SCAPER: variants seen among roughly 807,000 people sequenced by gnomAD.
SCAPER encodes the protein S-phase cyclin A associated protein in the ER, also known as S phase cyclin A-associated protein in the endoplasmic reticulum.
SCAPER carries 98 observed loss-of-function variants against 182.2 expected under a neutral mutation model. The observed-to-expected ratio is 0.54, with a 90% CI of 0.46 to 0.64. The LOEUF (loss-of-function observed/expected upper bound fraction) is 0.64. Among genes scored for constraint, SCAPER ranks in the 30% least tolerant of loss-of-function variants. The pLI, the probability that SCAPER is intolerant of heterozygous loss-of-function variation, is 0.00. For synonymous variants in SCAPER, 605 were observed against 564.6 expected (o/e 1.07, Z -1.01); for missense variants, 1,432 against 1,690.0 (o/e 0.85, Z 2.68).
chr15:76,709,206 A>T (rs2059431561), intron 17 of SCAPER, among the ~76,000 whole-genome samples: 1 of 152,178 alleles, frequency 6.6e-6, no homozygotes, highest in Non-Finnish European at 1.5e-5. Context: ...ATCTCGACTC[A>T]CTGCAACCTC....
intron 29 of SCAPER, among the ~76,000 whole-genome samples, chr15:76,375,742 G>A (rs1453063136): frequency 6.6e-6 from 1 of 152,150 alleles, no homozygotes; most frequent in Non-Finnish European, 1.5e-5. Flanking sequence ...CAGCACTTTG[G>A]GAGGCCAAGG....
chr15:76,842,861 C>A (rs2069614705), intron 4 of SCAPER, among the ~76,000 whole-genome samples: 1 of 152,184 alleles, frequency 6.6e-6, no homozygotes, highest in Non-Finnish European at 1.5e-5. Context: ...TACCATTAGA[C>A]TGTTGGCTGA....
intron 29 of SCAPER, among the ~76,000 whole-genome samples, chr15:76,364,044 GT>G (rs994134901): frequency 1.7e-4 from 26 of 152,182 alleles, no homozygotes; most frequent in African/African-American, 6.0e-4. Flanking sequence ...ATACCTTGGG[GT>G]TAGGGTAGGG....
chr15:76,854,195 G>A (rs1487386250), intron 4 of SCAPER, among the ~76,000 whole-genome samples: 1 of 152,056 alleles, frequency 6.6e-6, no homozygotes, highest in African/African-American at 2.4e-5. Flanking sequence ...CTTGAACCCA[G>A]GAGGCGGAGG....
At chr15:76,699,275 T>C (rs554544677) in intron 20 of SCAPER, among the ~76,000 whole-genome samples, 1 of 152,318 alleles carries the variant, frequency 6.6e-6, no homozygotes, top group East Asian at 1.9e-4. Context: ...GCCTGACTGC[T>C]CTGGCTAGGC....
At chr15:76,765,699 A>G in intron 11 of SCAPER, 61 bp from the exon 12 acceptor site, 1 of 1,321,242 alleles carries the variant, frequency 7.6e-7, no homozygotes, top group Non-Finnish European at 1.1e-6. Flanking sequence ...ACTTTAGAAA[A>G]TGAACTATAC....
intron 17 of SCAPER, among the ~76,000 whole-genome samples, chr15:76,711,761 TCCC>T (rs1405756057): frequency 1.3e-5 from 2 of 152,156 alleles, no homozygotes; most frequent in Non-Finnish European, 2.9e-5. Flanking sequence ...GTTCATATCC[TCCC>T]CCCATTTTTT....
chr15:76,505,123 T>C, intron 23 of SCAPER, 149 bp from the exon 24 acceptor site: 1 of 653,944 alleles, frequency 1.5e-6, no homozygotes, highest in Non-Finnish European at 2.6e-6. Flanking sequence ...CACTGCTAAT[T>C]GTTTCAGTAC....
rs1368044339 is a variant in SCAPER, at chr15:76,690,940, T to C, written c.2508+10818A>G. On this transcript the variant is annotated intron_variant, in intron 20 of 31. Coordinates refer to ENST00000563290, the MANE Select transcript of SCAPER (RefSeq NM_020843.4). ...TGAACACAGTGAACCCAAAATATTATATCTTTGAAGAGGTATTTCCACTGG... is the reference window on the plus strand; with the variant it reads ...TGAACACAGTGAACCCAAAATATTACATCTTTGAAGAGGTATTTCCACTGG... 2.6e-5 allele frequency among the ~76,000 whole-genome samples: 4 copies of C among 152,080 alleles called. No individual in the cohort carries two copies. In the East Asian group the frequency reaches 7.7e-4, roughly 29 times the overall value.
At chr15:76,768,108 G>A (rs2063217572) in intron 10 of SCAPER, among the ~76,000 whole-genome samples, 2 of 152,100 alleles carry the variant, frequency 1.3e-5, no homozygotes, top group South Asian at 4.1e-4. Context: ...TAATGAGAAT[G>A]TAAAATGATG....
intron 20 of SCAPER, among the ~76,000 whole-genome samples, chr15:76,676,351 T>A (rs116190939): frequency 6.6e-6 from 1 of 152,200 alleles, no homozygotes; most frequent in East Asian, 1.9e-4. Flanking sequence ...AAGTCATCTA[T>A]AGCTCCAGCC....
Position 76,553,635 on chromosome 15 carries a change from A to G in SCAPER, c.2838+20523T>C, listed in dbSNP as rs561911752. ...GGCCCCTCCAGCACAGCAGGTTCCT[A>G]AACTCAAGGGGATGGAGAACAAAGC... is the stretch of plus-strand genomic sequence containing the variant. On this transcript the variant is annotated intron_variant, in intron 23 of 31. Coordinates refer to ENST00000563290, the MANE Select transcript of SCAPER (RefSeq NM_020843.4). Among the ~76,000 whole-genome samples, 10 of 152,248 alleles carry G rather than the reference A, an allele frequency of 6.6e-5. No individual in the cohort carries two copies. The South Asian group carries it at 2.1e-3, about 32-fold the overall frequency.
At chr15:76,476,987 T>C (rs1050334511) in intron 24 of SCAPER, among the ~76,000 whole-genome samples, 1 of 152,072 alleles carries the variant, frequency 6.6e-6, no homozygotes, top group African/African-American at 2.4e-5. Flanking sequence ...GAAGCTCAGG[T>C]TGATTTAAAT....
At chr15:76,803,534 T>C (rs1471193715) in intron 6 of SCAPER, among the ~76,000 whole-genome samples, 1 of 152,216 alleles carries the variant, frequency 6.6e-6, no homozygotes, top group African/African-American at 2.4e-5. Context: ...AAATACCTTA[T>C]GACTGGGTAA....
rs927430651 is a variant in SCAPER, at chr15:76,774,443, C to T, written c.1035+412G>A. 6 of 371,466 alleles carry T rather than the reference C, an allele frequency of 1.6e-5. No individual in the cohort carries two copies. The Admixed American group carries it at 2.0e-4, about 12-fold the overall frequency. 23.0% of individuals were successfully genotyped at this position (371,466 alleles called of 1,614,324 possible). On this transcript the variant is annotated intron_variant, in intron 9 of 31. Transcript: ENST00000563290. ...AAAAATTATTGGGAAAACTAAAACA[C>T]TTTAAATATAGACTATAAATTAAAT...
intron 25 of SCAPER, among the ~76,000 whole-genome samples, chr15:76,440,057 C>T (rs915465514): frequency 1.3e-5 from 2 of 151,972 alleles, no homozygotes; most frequent in African/African-American, 4.8e-5. Context: ...GATATTTGAC[C>T]TTTTAAAAAT....
intron 23 of SCAPER, among the ~76,000 whole-genome samples, chr15:76,553,534 T>C (rs1383445372): frequency 2.0e-5 from 3 of 152,196 alleles, no homozygotes; most frequent in Non-Finnish European, 4.4e-5. Flanking sequence ...CAGATCCCAC[T>C]GCCACTGCCC....
chr15:76,498,004 A>T (rs1449623816), intron 24 of SCAPER, among the ~76,000 whole-genome samples: 3 of 150,048 alleles, frequency 2.0e-5, no homozygotes, highest in East Asian at 1.9e-4. Flanking sequence ...AAAAAAAAAA[A>T]AAAAAAAAAA....
chr15:76,723,116 T>C (rs1439204223), intron 17 of SCAPER, among the ~76,000 whole-genome samples: 9 of 152,148 alleles, frequency 5.9e-5, no homozygotes, highest in Admixed American at 4.6e-4. Context: ...CCCAGAGATT[T>C]TGGTATGTTG....
Sources: allele counts gnomAD v4.1 joint callset (sites outside exome capture counted in the v4.1 genomes callset), GRCh38; gene constraint gnomAD v4.1.1; transcripts MANE v1.5; gene names NCBI Gene and HGNC (gene_info 2026-07-23, HGNC 2026-07-21).